IGF2BP2: variants seen among roughly 807,000 people sequenced by gnomAD.
IGF2BP2 encodes the protein insulin-like growth factor 2 mRNA-binding protein 2.
IGF2BP2 carries 17 observed loss-of-function variants against 75.8 expected under a neutral mutation model. The ratio of observed to expected loss-of-function variants is 0.22; its 90% confidence interval spans 0.15 to 0.34. IGF2BP2 has a LOEUF of 0.34. Among genes scored for constraint, IGF2BP2 ranks in the 10% least tolerant of loss-of-function variants. The pLI, the probability that IGF2BP2 is intolerant of heterozygous loss-of-function variation, is 1.00. For synonymous variants in IGF2BP2, 288 were observed against 295.6 expected (o/e 0.97, Z 0.26); for missense variants, 516 against 772.4 (o/e 0.67, Z 3.93).
chr3:185,702,167 T>C (rs1323857850), intron 2 of IGF2BP2, among the ~76,000 whole-genome samples: 1 of 152,216 alleles, frequency 6.6e-6, no homozygotes. Flanking sequence ...ACAGGTTCCT[T>C]GTTTACTATT....
At chr3:185,747,337 T>C (rs1730376035) in intron 2 of IGF2BP2, among the ~76,000 whole-genome samples, 2 of 152,318 alleles carry the variant, frequency 1.3e-5, no homozygotes, top group African/African-American at 4.8e-5. Flanking sequence ...AACCCTGGAC[T>C]TTAAAGTCTT....
rs1299699051 is a variant in IGF2BP2 at position 185,645,816 on chromosome 3, A to G, written c.1708-193T>C. ...AGTAAGTGGCAGAGGTCCCCCCTCC[A>G]CTCCCACCCCAAGGTCCAGGGTAAG... On this transcript the variant is annotated intron_variant, in intron 15 of 15. Coordinates refer to ENST00000382199, the MANE Select transcript of IGF2BP2 (RefSeq NM_006548.6). This position sits in a 1 kb window ranked among gnomAD's most constrained non-coding sequence, Gnocchi z 4.9. Among the ~76,000 whole-genome samples the G allele has an allele frequency of 2.0e-5, 3 of 151,596 alleles. No homozygotes were observed. The highest frequency in any genetic ancestry group is 4.4e-5 in the Non-Finnish European group (3 of 67,890).
chr3:185,667,143 G>A (rs1717766113), intron 10 of IGF2BP2, among the ~76,000 whole-genome samples: 1 of 152,200 alleles, frequency 6.6e-6, no homozygotes. Context: ...TTCAAAGTTA[G>A]CATTTTAAGT....
intron 2 of IGF2BP2, chr3:185,768,010 G>T: frequency 6.6e-6 from 1 of 152,096 alleles, no homozygotes; most frequent in African/African-American, 2.4e-5. Flanking sequence ...ACAATTACCA[G>T]ATCCTCAGCC....
chr3:185,753,048 T>C (rs1015743578), intron 2 of IGF2BP2, among the ~76,000 whole-genome samples: 10 of 152,190 alleles, frequency 6.6e-5, no homozygotes. Flanking sequence ...TTTTAATTAG[T>C]TAATATTGTT....
At chr3:185,810,811 C>CA (rs1265034687) in intron 2 of IGF2BP2, among the ~76,000 whole-genome samples, 164 of 149,532 alleles carry the variant, frequency 1.1e-3, no homozygotes, top group African/African-American at 3.6e-3. Context: ...AAAAAACAAA[C>CA]AAAAAAAACA....
intron 2 of IGF2BP2, among the ~76,000 whole-genome samples, chr3:185,782,025 A>T (rs763953347): frequency 3.3e-5 from 5 of 152,190 alleles, no homozygotes; most frequent in Non-Finnish European, 7.3e-5. Flanking sequence ...AGCACAGCTC[A>T]CTTCAAATAG....
At chr3:185,803,344 C>G (rs1265441339) in intron 2 of IGF2BP2, among the ~76,000 whole-genome samples, 2 of 152,134 alleles carry the variant, frequency 1.3e-5, no homozygotes, top group African/African-American at 2.4e-5. Context: ...GAGCAAGACT[C>G]CATCTCAAAA....
At chr3:185,715,309 G>C (rs1453416476) in intron 2 of IGF2BP2, among the ~76,000 whole-genome samples, 1 of 152,182 alleles carries the variant, frequency 6.6e-6, no homozygotes, top group Non-Finnish European at 1.5e-5. Flanking sequence ...AGAGCAGGCT[G>C]GACAGGCTGG....
At chr3:185,716,180 C>T (rs530424091) in intron 2 of IGF2BP2, among the ~76,000 whole-genome samples, 1 of 151,588 alleles carries the variant, frequency 6.6e-6, no homozygotes, top group African/African-American at 2.4e-5. Context: ...AAAAAAAACA[C>T]CAGAACTTTT....
chr3:185,708,675 G>A (rs1724390255), intron 2 of IGF2BP2, among the ~76,000 whole-genome samples: 1 of 152,112 alleles, frequency 6.6e-6, no homozygotes, highest in Non-Finnish European at 1.5e-5. Flanking sequence ...AATCAGGGCA[G>A]TGCCCAGCCT....
At position 185,823,386 on chromosome 3, in the gene IGF2BP2, G is replaced by A. The variant is rs1030802365; in HGVS notation, c.179-173C>T. ...GTTCCCAGTAGAAAGAAAGGTGGGC[G>A]CCCCGTGTCTCGGGACAAGGCGAGG... On this transcript the variant is annotated intron_variant, in intron 1 of 15. Coordinates refer to ENST00000382199, the MANE Select transcript of IGF2BP2 (RefSeq NM_006548.6). 2.9e-5 allele frequency: 14 copies of A among 489,600 alleles called. 1 individual carries two copies. The Admixed American group carries it at 3.3e-4, about 11-fold the overall frequency. 30.3% of individuals were successfully genotyped at this position (489,600 alleles called of 1,614,324 possible). A position where few individuals can be genotyped will look rare whatever the true frequency, so the allele number is the denominator to read the frequency against.
At chr3:185,694,517 A>G (rs1442221211) in intron 4 of IGF2BP2, among the ~76,000 whole-genome samples, 3 of 152,240 alleles carry the variant, frequency 2.0e-5, no homozygotes, top group Non-Finnish European at 4.4e-5. Flanking sequence ...AAAGTTGCCT[A>G]AAACTCTACT....
chr3:185,658,268 C>G, intron 11 of IGF2BP2, 73 bp downstream of exon 11: 1 of 1,358,964 alleles, frequency 7.4e-7, no homozygotes, highest in East Asian at 2.3e-5. Context: ...TGAACATTCA[C>G]TGGCCACCAA....
rs1285244019 is a variant in IGF2BP2 at position 185,657,514 on chromosome 3, A to T, written c.1270-112T>A. 3 of 795,888 alleles carry T rather than the reference A, an allele frequency of 3.8e-6. No individual in the cohort carries two copies. In the African/African-American group the frequency reaches 5.1e-5, roughly 14 times the overall value. The allele number at this position is 795,888 out of a possible 1,614,324, so 49.3% of individuals were successfully genotyped here. A position where few individuals can be genotyped will look rare whatever the true frequency, so the allele number is the denominator to read the frequency against. On this transcript the variant is annotated intron_variant, in intron 11 of 15. Transcript: ENST00000382199. ...AACCCCATGGTGGGAAGGCCCCGCC[A>T]CCCAAGGAAATGGCCAAAATGGTGC...
intron 2 of IGF2BP2, among the ~76,000 whole-genome samples, chr3:185,784,214 G>A (rs757850892): frequency 5.9e-5 from 9 of 152,124 alleles, no homozygotes; most frequent in African/African-American, 1.7e-4. Context: ...CAGCCTGGGC[G>A]ACAGAGTGAG....
chr3:185,745,866 G>A (rs1435568954), intron 2 of IGF2BP2, among the ~76,000 whole-genome samples: 1 of 152,048 alleles, frequency 6.6e-6, no homozygotes, highest in Non-Finnish European at 1.5e-5. Context: ...GCTGTGGGAA[G>A]GTTGTACATA....
intron 2 of IGF2BP2, among the ~76,000 whole-genome samples, chr3:185,747,377 T>C (rs1383900886): frequency 6.6e-6 from 1 of 152,120 alleles, no homozygotes; most frequent in Non-Finnish European, 1.5e-5. Flanking sequence ...GGTCTGTTAT[T>C]ACGGGTTTTA....
chr3:185,704,765 TTCTC>T (rs1438983812), intron 2 of IGF2BP2, among the ~76,000 whole-genome samples: 1 of 151,976 alleles, frequency 6.6e-6, no homozygotes, highest in Non-Finnish European at 1.5e-5. Flanking sequence ...TCTCTTAAAG[TTCTC>T]TCTTTCTCTC....
Sources: allele counts gnomAD v4.1 joint callset (sites outside exome capture counted in the v4.1 genomes callset), GRCh38; gene constraint gnomAD v4.1.1; non-coding constraint Gnocchi (gnomAD v3.1); transcripts MANE v1.5; gene names NCBI Gene and HGNC (gene_info 2026-07-23, HGNC 2026-07-21).